The following NTF3 variants were observed in gnomAD, a reference collection of about 807,000 sequenced individuals.
NTF3 encodes neurotrophin 3, also known as neurotrophin-3.
Under a neutral mutation model 26.3 loss-of-function variants are expected in NTF3, and 8 were observed. The observed-to-expected ratio is 0.30, with a 90% CI of 0.18 to 0.55. The LOEUF (loss-of-function observed/expected upper bound fraction) is 0.55. NTF3 is among the 20% of genes least tolerant of loss of function. The pLI is 0.93. For missense variants in NTF3, 276 were observed against 352.9 expected (o/e 0.78, Z 1.75); for synonymous variants, 154 against 145.5 (o/e 1.06, Z -0.42).
intron 1 of NTF3, among the ~76,000 whole-genome samples, chr12:5,439,916 G>T (rs1350197456): frequency 6.6e-6 from 1 of 152,208 alleles, no homozygotes; most frequent in African/African-American, 2.4e-5. Flanking sequence ...GGAGGTTGGG[G>T]GGCAGGGGTC....
Position 5,494,611 on chromosome 12 carries a change from A to T in NTF3, c.436A>T (p.Thr146Ser). 6.2e-7 allele frequency: 1 copy of T among 1,614,104 alleles called. No individual in the cohort carries two copies. ...GGGCAGCCCCGTGGTGGCGAACAGA[A>T]CATCACGGCGGAAACGGTACGCGGA... Reference protein sequence around the residue: ...YVGSPVVANRTSRRKRYAEHK... With the variant: ...YVGSPVVANRSSRRKRYAEHK... Residue 146 changes from threonine (T) to serine (S), a missense_variant, in exon 2 of 2, where the codon ACA becomes TCA. Thr to Ser is a moderately conservative substitution (Grantham distance 58, BLOSUM62 1). This residue lies in a region of NTF3 where 221 missense variants were observed against 258.2 expected (regional missense o/e 0.86). Transcript: ENST00000423158. The surrounding 1 kb of genome is among the most constrained non-coding windows in gnomAD (Gnocchi z 8.3).
At chr12:5,484,997 AG>A (rs1940850952) in intron 1 of NTF3, among the ~76,000 whole-genome samples, 1 of 152,260 alleles carries the variant, frequency 6.6e-6, no homozygotes, top group African/African-American at 2.4e-5. Context: ...TGAAAACAAA[AG>A]AATCAGAAAT....
chr12:5,452,316 C>T (rs567110755), intron 1 of NTF3, among the ~76,000 whole-genome samples: 14 of 151,198 alleles, frequency 9.3e-5, no homozygotes, highest in Non-Finnish European at 1.6e-4. Context: ...AGGAAGGTCT[C>T]GATCTCTTGA....
At chr12:5,467,887 A>G (rs1940612732) in intron 1 of NTF3, among the ~76,000 whole-genome samples, 1 of 151,696 alleles carries the variant, frequency 6.6e-6, no homozygotes, top group Non-Finnish European at 1.5e-5. Context: ...ATCGTGCTGT[A>G]CTCCTTGGAC....
chr12:5,454,391 A>G (rs1223979558), intron 1 of NTF3, among the ~76,000 whole-genome samples: 2 of 152,100 alleles, frequency 1.3e-5, no homozygotes, highest in African/African-American at 4.8e-5. Flanking sequence ...TAACTTGGTT[A>G]CCTCTGTAAA....
chr12:5,451,535 C>T (rs751900190), intron 1 of NTF3, among the ~76,000 whole-genome samples: 66 of 152,144 alleles, frequency 4.3e-4, no homozygotes, highest in Admixed American at 2.0e-4. Flanking sequence ...GTATGTTCAA[C>T]ATAGAGAGTT....
Position 5,494,596 on chromosome 12 carries a change from G to A in NTF3, c.421G>A (p.Val141Met), listed in dbSNP as rs1219954661. ...CATGGAGGATTACGTGGGCAGCCCC[G>A]TGGTGGCGAACAGAACATCACGGCG... ...YLMEDYVGSP[V>M]VANRTSRRKR... The change falls in exon 2 of 2, where the codon GTG (valine) becomes ATG (methionine). Residue 141 changes from valine to methionine, a missense_variant. Transcript: ENST00000423158. This position sits in a 1 kb window ranked among gnomAD's most constrained non-coding sequence, Gnocchi z 8.3. 2 of 1,614,120 alleles carry A rather than the reference G, an allele frequency of 1.2e-6. No homozygotes were observed. Among genetic ancestry groups the A allele is most frequent in the Admixed American group, 1.7e-5 (1 of 60,016 alleles).
At chr12:5,458,119 C>T (rs1270340570) in intron 1 of NTF3, among the ~76,000 whole-genome samples, 1 of 152,138 alleles carries the variant, frequency 6.6e-6, no homozygotes, top group East Asian at 1.9e-4. Context: ...TCACTCATAC[C>T]CCATGCACCA....
At chr12:5,453,656 C>G (rs1940402253) in intron 1 of NTF3, among the ~76,000 whole-genome samples, 1 of 152,216 alleles carries the variant, frequency 6.6e-6, no homozygotes, top group South Asian at 2.1e-4. Flanking sequence ...GGATTTTCTT[C>G]TCGCATTTGC....
upstream of NTF3, chr12:5,432,068 C>A (rs964266497): frequency 5.0e-5 from 23 of 461,470 alleles, no homozygotes; most frequent in Middle Eastern, 1.8e-3. Context: ...GCCATCTGGC[C>A]GGGTTGGCTG....
In NTF3 at chr12:5,432,127, C is replaced by T. The variant is rs920892645; in HGVS notation, c.-198C>T. ...CACGGGACTCAGAGTTGAAGCTCCT[C>T]TCCCTTCCGAACAGCTCCGCGCACC... On this transcript the variant is annotated 5_prime_UTR_variant, in exon 1 of 2. Transcript: ENST00000423158. 4 of 665,354 alleles carry T rather than the reference C, an allele frequency of 6.0e-6. No individual in the cohort carries two copies. In the African/African-American group the frequency reaches 7.1e-5, roughly 12 times the overall value. The allele number at this position is 665,354 out of a possible 1,614,324, so 41.2% of individuals were successfully genotyped here.
At position 5,494,748 on chromosome 12, in the gene NTF3, G is replaced by A. The variant is rs1360549597; in HGVS notation, c.573G>A (p.Glu191=). Residue 191 remains glutamate, a synonymous_variant, in exon 2 of 2, where the codon GAG becomes GAA. Coordinates refer to ENST00000423158, the MANE Select transcript of NTF3 (RefSeq NM_001102654.2). The surrounding 1 kb of genome is among the most constrained non-coding windows in gnomAD (Gnocchi z 8.3). ...IRGHQVTVLG[E]IKTGNSPVKQ... is the part of the protein sequence containing the mutation. ...GACACCAGGTCACGGTGCTGGGGGA[G>A]ATCAAAACGGGCAACTCTCCCGTCA... The A allele has an allele frequency of 6.2e-7, 1 of 1,614,068 alleles. No individual in the cohort carries two copies. The highest frequency in any genetic ancestry group is 1.7e-5 in the Admixed American group (1 of 60,004).
Position 5,456,310 on chromosome 12 carries a change from G to A in NTF3, c.18+23968G>A, listed in dbSNP as rs549772025. On this transcript the variant is annotated intron_variant, in intron 1 of 1. Transcript: ENST00000423158. This position sits in a 1 kb window ranked among gnomAD's most constrained non-coding sequence, Gnocchi z 4.4. ...GCCCTTTTGAGAATCACATAGAATC[G>A]CATTGATTGATGAGTGAAAAATAAA... Among the ~76,000 whole-genome samples, 1 of 152,130 alleles carries A rather than the reference G, an allele frequency of 6.6e-6. No individual in the cohort carries two copies.
intron 1 of NTF3, among the ~76,000 whole-genome samples, chr12:5,438,178 A>C (rs1940195839): frequency 6.6e-6 from 1 of 151,812 alleles, no homozygotes; most frequent in Middle Eastern, 3.2e-3. Context: ...AAAGTCTTTC[A>C]GAGGACTCAT....
intron 1 of NTF3, among the ~76,000 whole-genome samples, chr12:5,462,942 G>T (rs1940541952): frequency 6.6e-6 from 1 of 152,172 alleles, no homozygotes; most frequent in South Asian, 2.1e-4. Flanking sequence ...CTCTTTATAT[G>T]ACTCTTTTCA....
chr12:5,479,839 T>G (rs76536993), intron 1 of NTF3, among the ~76,000 whole-genome samples: 202 of 152,326 alleles, frequency 1.3e-3, no homozygotes, highest in Admixed American at 3.0e-3. Flanking sequence ...TCTCTGTGTC[T>G]TTTGGGAAAG....
In NTF3 at chr12:5,478,424, C is replaced by A. The variant is rs143920125; in HGVS notation, c.19-15770C>A. Among the ~76,000 whole-genome samples the A allele has an allele frequency of 5.8e-4, 88 of 152,284 alleles. 1 individual carries two copies. The East Asian group carries it at 0.016, about 28-fold the overall frequency. On this transcript the variant is annotated intron_variant, in intron 1 of 1. Coordinates refer to ENST00000423158, the MANE Select transcript of NTF3 (RefSeq NM_001102654.2). ...AAAAGTTTCACATTCTGAATCAATGCCAGTATAAAAAGAATGTCCAGACCC... is the reference window on the plus strand; with the variant it reads ...AAAAGTTTCACATTCTGAATCAATGACAGTATAAAAAGAATGTCCAGACCC...
At chr12:5,488,746 C>T (rs749578060) in intron 1 of NTF3, among the ~76,000 whole-genome samples, 12 of 152,158 alleles carry the variant, frequency 7.9e-5, no homozygotes, top group Non-Finnish European at 1.6e-4. Flanking sequence ...GGCAGGATGT[C>T]TCCTGAGCCT....
chr12:5,444,512 T>C (rs1019607015), intron 1 of NTF3, among the ~76,000 whole-genome samples: 48 of 152,102 alleles, frequency 3.2e-4, no homozygotes, highest in Admixed American at 6.6e-4. Flanking sequence ...AGAGGAGAGT[T>C]ACAGGTAGAG....
Sources: allele counts gnomAD v4.1 joint callset (sites outside exome capture counted in the v4.1 genomes callset), GRCh38; gene constraint gnomAD v4.1.1; regional missense constraint gnomAD v4.1.1; non-coding constraint Gnocchi (gnomAD v3.1); transcripts MANE v1.5; gene names NCBI Gene and HGNC (gene_info 2026-07-23, HGNC 2026-07-21).